Variants in GPC1 observed in about 807,000 individuals in gnomAD.
The protein encoded by GPC1 is glypican-1.
A neutral mutation model predicts 51.5 loss-of-function variants in GPC1; 26 were observed. That is an observed-to-expected ratio of 0.50 (90% CI 0.37 to 0.70). GPC1 has a LOEUF of 0.70. GPC1 is among the 30% of genes least tolerant of loss of function. GPC1 has a pLI of 0.00. For missense variants in GPC1, 775 were observed against 800.5 expected, an observed-to-expected ratio of 0.97 and a Z score of 0.38; for synonymous variants, 380 against 348.3, an observed-to-expected ratio of 1.09 and a Z score of -1.01.
At chr2:240,457,790 G>A (rs1183346002) in intron 1 of GPC1, among the ~76,000 whole-genome samples, 7 of 152,258 alleles carry the variant, frequency 4.6e-5, no homozygotes, top group East Asian at 3.9e-4. Flanking sequence ...TCAGGAGGGC[G>A]TAAAAGAATG....
intron 1 of GPC1, among the ~76,000 whole-genome samples, chr2:240,444,884 C>A (rs1180295879): frequency 1.3e-5 from 2 of 152,150 alleles, no homozygotes; most frequent in African/African-American, 4.8e-5. Context: ...GGAGGCCCAT[C>A]CTTGGCTCTG....
At chr2:240,454,494 C>T (rs1392954027) in intron 1 of GPC1, among the ~76,000 whole-genome samples, 1 of 152,232 alleles carries the variant, frequency 6.6e-6, no homozygotes, top group African/African-American at 2.4e-5. Flanking sequence ...CAGCCATCGG[C>T]CAGCCAGGAA....
At chr2:240,437,299 C>A (rs1351701398) in intron 1 of GPC1, among the ~76,000 whole-genome samples, 1 of 152,174 alleles carries the variant, frequency 6.6e-6, no homozygotes, top group Non-Finnish European at 1.5e-5. Context: ...GGACCCCTGC[C>A]CCTCCAGGAG....
At position 240,462,359 on chromosome 2, in the gene GPC1, A is replaced by T. The variant is rs1045466307; in HGVS notation, c.494A>T (p.Glu165Val). 2.5e-6 allele frequency: 4 copies of T among 1,595,108 alleles called. No homozygotes were observed. Among genetic ancestry groups the T allele is most frequent in the Non-Finnish European group, 3.4e-6 (4 of 1,171,676 alleles). The change falls in exon 3 of 9, where the codon GAG becomes GTG. Residue 165 changes from glutamate to valine, a missense_variant. By Grantham distance (121) the Glu-to-Val change is moderately radical. Transcript: ENST00000264039. ...ANLHLEETLA[E>V]FWARLLERLF... ...CTGCACCTGGAGGAGACGCTGGCCGAGTTCTGGGCCCGCCTGCTCGAGCGC... is the reference window on the plus strand; with the variant it reads ...CTGCACCTGGAGGAGACGCTGGCCGTGTTCTGGGCCCGCCTGCTCGAGCGC...
chr2:240,462,276 C>T lies in GPC1; in HGVS notation c.411C>T (p.Asn137=), dbSNP rs377223030. ...CCTTCGGAGAGCTGTACACGCAGAA[C>T]GCGAGGGCCTTCCGGGACCTGTACT... is the stretch of plus-strand genomic sequence containing the variant. ...PGAFGELYTQ[N]ARAFRDLYSE... Residue 137 remains asparagine, a synonymous_variant, in exon 3 of 9, where the codon AAC becomes AAT. Transcript: ENST00000264039. 30 of 1,610,158 alleles carry T rather than the reference C, an allele frequency of 1.9e-5. No individual in the cohort carries two copies. The highest frequency in any genetic ancestry group is 1.7e-4 in the Middle Eastern group (1 of 5,960).
Position 240,466,550 on chromosome 2 carries a change from A to C in GPC1, c.*260A>C. 2.0e-6 allele frequency: 1 copy of C among 488,402 alleles called. No individual in the cohort carries two copies. The highest frequency in any genetic ancestry group is 3.6e-6 in the Non-Finnish European group (1 of 275,564). The allele number at this position is 488,402 out of a possible 1,614,324, so 30.3% of individuals were successfully genotyped here. A position where few individuals can be genotyped will look rare whatever the true frequency, so the allele number is the denominator to read the frequency against. ...CATGTATTTCAGGGACCTCAGGGGC[A>C]CCTCCGGCTGCCTAGCCCTCCCCCC... On this transcript the variant is annotated 3_prime_UTR_variant, in exon 9 of 9. Coordinates refer to ENST00000264039, the MANE Select transcript of GPC1 (RefSeq NM_002081.3).
intron 1 of GPC1, among the ~76,000 whole-genome samples, chr2:240,447,983 G>C (rs1170637184): frequency 4.6e-5 from 7 of 152,186 alleles, no homozygotes; most frequent in African/African-American, 1.7e-4. Context: ...CTCTGGGTGT[G>C]AGATGGTGGA....
At chr2:240,446,333 C>G (rs1314065529) in intron 1 of GPC1, among the ~76,000 whole-genome samples, 2 of 152,274 alleles carry the variant, frequency 1.3e-5, no homozygotes, top group African/African-American at 4.8e-5. Context: ...GTTCTGGGTG[C>G]TGAAACGCAG....
At chr2:240,436,170 C>G (rs1029501263) in intron 1 of GPC1, 86 bp downstream of exon 1, 47 of 962,642 alleles carry the variant, frequency 4.9e-5, no homozygotes, top group Non-Finnish European at 6.2e-5. Context: ...CTACTCGCCC[C>G]CGGCGCGGGA....
At chr2:240,452,032 G>A (rs1169035118) in intron 1 of GPC1, 4 of 152,812 alleles carry the variant, frequency 2.6e-5, no homozygotes, top group Non-Finnish European at 5.8e-5. Flanking sequence ...CCGGCCGAGA[G>A]GCCGGAGTGC....
At chr2:240,445,222 C>T (rs904401144) in intron 1 of GPC1, among the ~76,000 whole-genome samples, 18 of 152,112 alleles carry the variant, frequency 1.2e-4, no homozygotes, top group African/African-American at 3.4e-4. Flanking sequence ...GTTCTATGTG[C>T]GTGGCCTCAT....
chr2:240,450,163 G>C (rs2074084523), intron 1 of GPC1: 1 of 339,022 alleles, frequency 2.9e-6, no homozygotes, highest in South Asian at 2.3e-5. Flanking sequence ...GTGGCTGTGG[G>C]GCAGGGCTGG....
chr2:240,459,679 C>T (rs2074200032), intron 2 of GPC1, among the ~76,000 whole-genome samples: 1 of 152,118 alleles, frequency 6.6e-6, no homozygotes, highest in Non-Finnish European at 1.5e-5. Flanking sequence ...CCACTCAGCC[C>T]TTTATATCGG....
intron 1 of GPC1, 24 bp from the exon 2 acceptor site, chr2:240,459,006 C>T: frequency 1.9e-6 from 3 of 1,609,248 alleles, no homozygotes; most frequent in Non-Finnish European, 2.5e-6. Flanking sequence ...AGCCCCTCTC[C>T]CTCACACTGG....
Position 240,439,243 on chromosome 2 carries a change from G to C in GPC1, c.166+3159G>C, listed in dbSNP as rs891085860. ...GCTCCCGGCCCAGGATAGCTTCTCG[G>C]AGGACACCCCCAGGCCTTCCTGGCT... On this transcript the variant is annotated intron_variant, in intron 1 of 8. Coordinates refer to ENST00000264039, the MANE Select transcript of GPC1 (RefSeq NM_002081.3). 5.9e-5 allele frequency among the ~76,000 whole-genome samples: 9 copies of C among 152,294 alleles called. No homozygotes were observed. In the East Asian group the frequency reaches 1.7e-3, roughly 29 times the overall value.
At chr2:240,450,492 C>T (rs1342197133) in intron 1 of GPC1, 9 of 429,382 alleles carry the variant, frequency 2.1e-5, no homozygotes, top group Admixed American at 1.3e-4. Context: ...GCTATGTCAG[C>T]GGGACCTACA....
chr2:240,460,801 C>T (rs1404901527), intron 2 of GPC1, among the ~76,000 whole-genome samples: 6 of 152,192 alleles, frequency 3.9e-5, no homozygotes, highest in East Asian at 3.9e-4. Flanking sequence ...TTGTCCAACC[C>T]CCACCTCCTA....
Position 240,461,120 on chromosome 2 carries a change from G to T in GPC1, c.326-1071G>T, listed in dbSNP as rs552244437. 5.2e-4 allele frequency among the ~76,000 whole-genome samples: 79 copies of T among 152,328 alleles called. 1 individual carries two copies. In the South Asian group the frequency reaches 0.016, roughly 31 times the overall value. On this transcript the variant is annotated intron_variant, in intron 2 of 8. Coordinates refer to ENST00000264039, the MANE Select transcript of GPC1 (RefSeq NM_002081.3). ...CATGAACCACAAGCCGCCCCTTTCCGGGACAGGCCAGGGCGTTCCAGGCGC... is the reference window on the plus strand; with the variant it reads ...CATGAACCACAAGCCGCCCCTTTCCTGGACAGGCCAGGGCGTTCCAGGCGC...
At chr2:240,451,265 C>A in intron 1 of GPC1, 1 of 471,042 alleles carries the variant, frequency 2.1e-6, no homozygotes, top group Non-Finnish European at 4.4e-6. Flanking sequence ...GATGGACGGG[C>A]CTGCGCGGCG....
Sources: allele counts gnomAD v4.1 joint callset (sites outside exome capture counted in the v4.1 genomes callset), GRCh38; gene constraint gnomAD v4.1.1; transcripts MANE v1.5; gene names NCBI Gene and HGNC (gene_info 2026-07-23, HGNC 2026-07-21).